The following MYO1D variants were observed in gnomAD, a reference collection of about 807,000 sequenced individuals.
MYO1D encodes the protein myosin ID, also known as unconventional myosin-Id.
In MYO1D, 83 loss-of-function variants were observed where a neutral mutation model predicts 122.0. The ratio of observed to expected loss-of-function variants is 0.68; its 90% confidence interval spans 0.57 to 0.82. The LOEUF (loss-of-function observed/expected upper bound fraction) is 0.82, where lower values mean the gene tolerates loss of function less well. Ranked by LOEUF, MYO1D falls within the 40% of genes least tolerant of loss-of-function variation. The probability of loss-of-function intolerance (pLI) is 0.00; values close to 1 mark genes in which losing one functional copy is unlikely to be tolerated. For missense variants in MYO1D, 1,157 were observed against 1,269.5 expected (o/e 0.91, Z 1.35); for synonymous variants, 464 against 446.9 (o/e 1.04, Z -0.48).
intron 20 of MYO1D, among the ~76,000 whole-genome samples, chr17:32,625,886 G>A (rs1414077053): frequency 6.6e-6 from 1 of 152,200 alleles, no homozygotes. Context: ...CAGGTAGCAG[G>A]TGGCTGTTGG....
chr17:32,521,423 A>G (rs893736586), intron 21 of MYO1D, among the ~76,000 whole-genome samples: 2 of 152,194 alleles, frequency 1.3e-5, no homozygotes, highest in Non-Finnish European at 2.9e-5. Flanking sequence ...TTCCCGCATA[A>G]TCAGGAACAA....
At chr17:32,580,576 A>AT (rs1415258932) in intron 21 of MYO1D, among the ~76,000 whole-genome samples, 2 of 151,174 alleles carry the variant, frequency 1.3e-5, no homozygotes, top group Non-Finnish European at 3.0e-5. Flanking sequence ...GGCCCAGCTA[A>AT]TTTTTTGTAT....
At chr17:32,592,212 G>GA (rs1221458419) in intron 21 of MYO1D, among the ~76,000 whole-genome samples, 2 of 152,286 alleles carry the variant, frequency 1.3e-5, no homozygotes, top group Non-Finnish European at 2.9e-5. Flanking sequence ...GGTTCCCCAG[G>GA]AATGTACATG....
intron 16 of MYO1D, among the ~76,000 whole-genome samples, chr17:32,677,803 G>A (rs1184692323): frequency 6.6e-6 from 1 of 151,962 alleles, no homozygotes; most frequent in Non-Finnish European, 1.5e-5. Context: ...ACAAGCATTA[G>A]GCTGCCTAAA....
chr17:32,704,315 T>G (rs1238503946), intron 16 of MYO1D, among the ~76,000 whole-genome samples: 4 of 152,358 alleles, frequency 2.6e-5, no homozygotes, highest in South Asian at 2.1e-4. Context: ...TTAATGGGTA[T>G]AGTATAACTG....
At chr17:32,852,192 C>T (rs899212295) in intron 1 of MYO1D, among the ~76,000 whole-genome samples, 4 of 152,120 alleles carry the variant, frequency 2.6e-5, no homozygotes, top group Admixed American at 2.0e-4. Context: ...CTGGTATGAT[C>T]TCAGCTCACT....
At chr17:32,616,805 T>A (rs954306162) in intron 20 of MYO1D, among the ~76,000 whole-genome samples, 2 of 152,154 alleles carry the variant, frequency 1.3e-5, no homozygotes, top group African/African-American at 4.8e-5. Context: ...TGCAACAGAA[T>A]TGGGGCTGTG....
chr17:32,511,903 T>G (rs1430338976), intron 21 of MYO1D, among the ~76,000 whole-genome samples: 1 of 152,150 alleles, frequency 6.6e-6, no homozygotes, highest in Admixed American at 6.5e-5. Context: ...TAGCTGTGGG[T>G]CACTGGATAG....
intron 16 of MYO1D, among the ~76,000 whole-genome samples, chr17:32,673,504 T>C (rs2088754647): frequency 6.6e-6 from 1 of 152,134 alleles, no homozygotes; most frequent in Admixed American, 6.5e-5. Flanking sequence ...TAAAATAAAA[T>C]AGGAATTGAT....
intron 21 of MYO1D, among the ~76,000 whole-genome samples, chr17:32,541,351 A>T (rs1043540205): frequency 7.9e-5 from 12 of 152,244 alleles, no homozygotes; most frequent in African/African-American, 2.9e-4. Context: ...CATATTATAT[A>T]ATCCTGTTGA....
At chr17:32,845,246 T>A (rs2090925292) in intron 1 of MYO1D, among the ~76,000 whole-genome samples, 1 of 152,186 alleles carries the variant, frequency 6.6e-6, no homozygotes, top group African/African-American at 2.4e-5. Flanking sequence ...GTAAACCTTT[T>A]TAATAACTAA....
chr17:32,605,491 ATCT>A (rs1239311782), intron 20 of MYO1D, among the ~76,000 whole-genome samples: 1 of 152,094 alleles, frequency 6.6e-6, no homozygotes, highest in Non-Finnish European at 1.5e-5. Flanking sequence ...CCTGACTTTA[ATCT>A]TCTATCAGTT....
chr17:32,519,625 C>A (rs1218555361), intron 21 of MYO1D, among the ~76,000 whole-genome samples: 1 of 151,742 alleles, frequency 6.6e-6, no homozygotes, highest in Non-Finnish European at 1.5e-5. Context: ...CCCGGCCGGC[C>A]GCGCTTCTCC....
At chr17:32,565,007 C>CT (rs1173022925) in intron 21 of MYO1D, among the ~76,000 whole-genome samples, 2 of 130,752 alleles carry the variant, frequency 1.5e-5, no homozygotes, top group Non-Finnish European at 3.2e-5. Context: ...AAAGAAAATA[C>CT]TTTTTTTCTT....
intron 2 of MYO1D, among the ~76,000 whole-genome samples, chr17:32,779,499 A>G (rs1445275453): frequency 1.3e-5 from 2 of 151,120 alleles, no homozygotes; most frequent in Non-Finnish European, 3.0e-5. Flanking sequence ...TATTTATAAT[A>G]TAATTACACA....
chr17:32,526,156 C>CCT (rs150709449), intron 21 of MYO1D, among the ~76,000 whole-genome samples: 5,873 of 152,212 alleles, frequency 0.039, 231 homozygotes, highest in African/African-American at 0.11. Context: ...ATTGTAATCC[C>CCT]GTCTACTCAT....
intron 21 of MYO1D, among the ~76,000 whole-genome samples, chr17:32,560,556 T>TATATATATATATATATATATATAC (rs1567890309): frequency 3.4e-4 from 39 of 114,124 alleles, no homozygotes; most frequent in Non-Finnish European, 6.2e-4. Flanking sequence ...TATATATATA[T>TATATATATATATATATATATATAC]ATATATATAT....
At chr17:32,584,243 T>C (rs1190561651) in intron 21 of MYO1D, among the ~76,000 whole-genome samples, 2 of 152,208 alleles carry the variant, frequency 1.3e-5, no homozygotes, top group Non-Finnish European at 2.9e-5. Context: ...TCTTTATACT[T>C]CCACAAACTT....
intron 1 of MYO1D, among the ~76,000 whole-genome samples, chr17:32,876,467 AGC>A (rs912910339): frequency 3.3e-5 from 5 of 152,020 alleles, no homozygotes; most frequent in Non-Finnish European, 5.9e-5. Flanking sequence ...GGCGCGGGGA[AGC>A]GCGCCCTCCC....
Sources: allele counts gnomAD v4.1 joint callset (sites outside exome capture counted in the v4.1 genomes callset), GRCh38; gene constraint gnomAD v4.1.1; transcripts MANE v1.5; gene names NCBI Gene and HGNC (gene_info 2026-07-23, HGNC 2026-07-21).